FGF14: variants seen among roughly 807,000 people sequenced by gnomAD.
FGF14 encodes fibroblast growth factor homologous factor 4.
In FGF14, 5 loss-of-function variants were observed where a neutral mutation model predicts 25.5. That is an observed-to-expected ratio of 0.20 (90% CI 0.10 to 0.41). FGF14 has a LOEUF of 0.41. FGF14 is among the 10% of genes least tolerant of loss of function. The probability of loss-of-function intolerance (pLI) is 1.00; values close to 1 mark genes in which losing one functional copy is unlikely to be tolerated. For synonymous variants in FGF14, 138 were observed against 118.3 expected, an observed-to-expected ratio of 1.17 and a Z score of -1.08; for missense variants, 222 against 320.1, an observed-to-expected ratio of 0.69 and a Z score of 2.34.
intron 3 of FGF14, among the ~76,000 whole-genome samples, chr13:101,809,034 T>C (rs747689017): frequency 3.2e-4 from 48 of 152,052 alleles, no homozygotes; most frequent in Non-Finnish European, 6.2e-4. Flanking sequence ...TGCTTTCAAA[T>C]CTCCGGGAGT....
chr13:101,721,063 G>A lies in FGF14; in HGVS notation c.*1768C>T, dbSNP rs1273232807. 6.6e-6 allele frequency: 1 copy of A among 152,044 alleles called. No individual in the cohort carries two copies. Among genetic ancestry groups the A allele is most frequent in the Admixed American group, 6.6e-5 (1 of 15,248 alleles). The allele number at this position is 152,044 out of a possible 1,614,324, so 9.4% of individuals were successfully genotyped here. A position where few individuals can be genotyped will look rare whatever the true frequency, so the allele number is the denominator to read the frequency against. ...AGTGCAGATGGGGAAAATGATGACT[G>A]GGTCATCCTCCCACATAGAAAGAAT... On this transcript the variant is annotated 3_prime_UTR_variant, in exon 5 of 5. Coordinates refer to ENST00000376143, the MANE Select transcript of FGF14 (RefSeq NM_004115.4).
chr13:102,171,892 G>GT (rs11354485), intron 1 of FGF14, among the ~76,000 whole-genome samples: 2,557 of 145,878 alleles, frequency 0.018, 21 homozygotes, highest in Non-Finnish European at 0.027. Context: ...AATATTCTAG[G>GT]TTTTTTTTTT....
chr13:101,777,557 C>T (rs1368234620), intron 3 of FGF14, among the ~76,000 whole-genome samples: 1 of 152,022 alleles, frequency 6.6e-6, no homozygotes, highest in South Asian at 2.1e-4. Flanking sequence ...GAGAATGACT[C>T]CCCGAGGGAA....
intron 1 of FGF14, among the ~76,000 whole-genome samples, chr13:102,196,367 T>A (rs2049350758): frequency 6.6e-6 from 1 of 152,064 alleles, no homozygotes; most frequent in Non-Finnish European, 1.5e-5. Context: ...GAGAAATGAA[T>A]GAGTCAATTG....
chr13:101,814,787 A>G (rs936926184), intron 3 of FGF14, among the ~76,000 whole-genome samples: 2 of 152,208 alleles, frequency 1.3e-5, no homozygotes, highest in African/African-American at 4.8e-5. Flanking sequence ...TTATTTATCC[A>G]TTCATCAAGT....
intron 1 of FGF14, among the ~76,000 whole-genome samples, chr13:102,276,298 TACAC>T (rs57994075): frequency 0.024 from 2,860 of 118,242 alleles, 105 homozygotes; most frequent in African/African-American, 0.073. Context: ...AACTTGGAAA[TACAC>T]ACACACACAC....
rs1465789383 is a variant in FGF14 at position 101,717,020 on chromosome 13, C to T, written c.*5811G>A. 2 of 151,456 alleles carry T rather than the reference C, an allele frequency of 1.3e-5. No homozygotes were observed. The highest frequency in any genetic ancestry group is 4.8e-5 in the African/African-American group (2 of 41,296). The allele number at this position is 151,456 out of a possible 1,614,324, so 9.4% of individuals were successfully genotyped here. A position where few individuals can be genotyped will look rare whatever the true frequency, so the allele number is the denominator to read the frequency against. ...AATTATTTAGAGCTAAAAAAAAAAC[C>T]ACTTTTTTTCTAAAGGTGAATTACT... On this transcript the variant is annotated 3_prime_UTR_variant, in exon 5 of 5. Transcript: ENST00000376143.
chr13:101,992,774 T>C (rs1049719144), intron 1 of FGF14, among the ~76,000 whole-genome samples: 2 of 151,792 alleles, frequency 1.3e-5, no homozygotes, highest in African/African-American at 4.8e-5. Context: ...TCAATAGAAA[T>C]TTCCAAAATT....
intron 1 of FGF14, among the ~76,000 whole-genome samples, chr13:101,909,427 T>C (rs924518738): frequency 5.3e-5 from 8 of 151,988 alleles, no homozygotes; most frequent in Middle Eastern, 3.2e-3. Flanking sequence ...ATAAAGTGGG[T>C]GAAGGATATG....
chr13:102,353,358 G>A (rs1373036820), intron 1 of FGF14, among the ~76,000 whole-genome samples: 1 of 152,106 alleles, frequency 6.6e-6, no homozygotes, highest in Admixed American at 6.5e-5. Context: ...AATACTTGGT[G>A]ATCTCATCAA....
intron 1 of FGF14, among the ~76,000 whole-genome samples, chr13:102,384,547 T>C (rs1413721858): frequency 1.3e-5 from 2 of 152,208 alleles, no homozygotes; most frequent in African/African-American, 4.8e-5. Context: ...AATCATTCTT[T>C]GTGAGTCAGT....
At chr13:102,104,539 G>C (rs752752002) in intron 1 of FGF14, among the ~76,000 whole-genome samples, 1 of 152,142 alleles carries the variant, frequency 6.6e-6, no homozygotes, top group African/African-American at 2.4e-5. Context: ...ACCTTGGAAG[G>C]CTGAGACAGG....
At chr13:101,979,752 C>A (rs144637839) in intron 1 of FGF14, among the ~76,000 whole-genome samples, 1 of 152,030 alleles carries the variant, frequency 6.6e-6, no homozygotes. Context: ...AGTTAGTACA[C>A]CCCATGGAAA....
rs141046497 is a variant in FGF14, at chr13:102,127,102, T to TTA, written c.209-251808_209-251807dup. ...CACCAGGATGCCTGCCTCACTCATA[T>TTA]TATATATATATACATATATGTAAAA... On this transcript the variant is annotated intron_variant, in intron 1 of 4. Transcript: ENST00000376131. Among the ~76,000 whole-genome samples, 804 of 151,894 alleles carry TTA rather than the reference T, an allele frequency of 5.3e-3. 7 individuals carry two copies. Among genetic ancestry groups the TTA allele is most frequent in the African/African-American group, 0.018 (740 of 41,378 alleles).
rs764809095 is a variant in FGF14 at position 101,717,092 on chromosome 13, T to C, written c.*5739A>G. On this transcript the variant is annotated 3_prime_UTR_variant, in exon 5 of 5. Coordinates refer to ENST00000376143, the MANE Select transcript of FGF14 (RefSeq NM_004115.4). ...TAGCAAAATCATTTCCGTATTACTT[T>C]AAGATGAAAATTTTTACTTGGAAAT... 6.6e-6 allele frequency: 1 copy of C among 152,142 alleles called. No homozygotes were observed. Among genetic ancestry groups the C allele is most frequent in the Non-Finnish European group, 1.5e-5 (1 of 68,004 alleles). The allele number at this position is 152,142 out of a possible 1,614,324, so 9.4% of individuals were successfully genotyped here. A position where few individuals can be genotyped will look rare whatever the true frequency, so the allele number is the denominator to read the frequency against.
At chr13:102,261,720 C>T (rs142780783) in intron 1 of FGF14, among the ~76,000 whole-genome samples, 2 of 152,150 alleles carry the variant, frequency 1.3e-5, no homozygotes, top group African/African-American at 4.8e-5. Flanking sequence ...ATTAAACAGT[C>T]TAATTTTCAA....
At chr13:102,279,131 GATT>G (rs1390575041) in intron 1 of FGF14, among the ~76,000 whole-genome samples, 1 of 152,064 alleles carries the variant, frequency 6.6e-6, no homozygotes, top group Non-Finnish European at 1.5e-5. Flanking sequence ...TCCATCAAGA[GATT>G]ATTTTGAACA....
chr13:102,290,929 A>G (rs981653105), intron 1 of FGF14, among the ~76,000 whole-genome samples: 3 of 152,214 alleles, frequency 2.0e-5, no homozygotes, highest in Non-Finnish European at 2.9e-5. Context: ...CTGTGGATCT[A>G]TGCAAACCTA....
intron 1 of FGF14, among the ~76,000 whole-genome samples, chr13:102,224,435 C>A (rs1461825755): frequency 2.6e-5 from 4 of 152,054 alleles, no homozygotes; most frequent in African/African-American, 9.7e-5. Flanking sequence ...ATAGGGGTGT[C>A]AACTTTTTGG....
Sources: allele counts gnomAD v4.1 joint callset (sites outside exome capture counted in the v4.1 genomes callset), GRCh38; gene constraint gnomAD v4.1.1; transcripts MANE v1.5; gene names NCBI Gene and HGNC (gene_info 2026-07-23, HGNC 2026-07-21).